DRC9: variants seen among roughly 807,000 people sequenced by gnomAD.
The protein encoded by DRC9 is dynein regulatory complex protein 9.
chr3:197,898,239 T>C, the DRC9 span, among the ~76,000 whole-genome samples: 2 of 152,176 alleles, frequency 1.3e-5, no homozygotes, highest in African/African-American at 4.8e-5. Flanking sequence ...TAAATAATTC[T>C]TGAGTTACAA....
chr3:197,950,164 AC>A, the DRC9 span: 1 of 1,231,782 alleles, frequency 8.1e-7, no homozygotes, highest in Non-Finnish European at 1.0e-6. Context: ...GTTTAATCCC[AC>A]AAGGCCACGC....
the DRC9 span, among the ~76,000 whole-genome samples, chr3:197,896,347 A>G: frequency 2.0e-5 from 3 of 152,228 alleles, no homozygotes; most frequent in Non-Finnish European, 4.4e-5. Context: ...CCGTTAAAAA[A>G]AAAAAATTAA....
the DRC9 span, chr3:197,959,975 T>G: frequency 1.8e-6 from 1 of 547,178 alleles, no homozygotes; most frequent in Admixed American, 3.3e-5. Flanking sequence ...GACACCCACA[T>G]ACGGCCAACG....
the DRC9 span, chr3:197,955,654 T>C: frequency 9.2e-7 from 1 of 1,087,904 alleles, no homozygotes; most frequent in Non-Finnish European, 1.4e-6. Context: ...AACATGTAAT[T>C]GGTAGCCTTT....
chr3:197,948,711 A>AAG, the DRC9 span, among the ~76,000 whole-genome samples: 19 of 152,238 alleles, frequency 1.2e-4, no homozygotes, highest in Non-Finnish European at 2.9e-5. Flanking sequence ...TGTTGTATTT[A>AAG]AGAGAGGATC....
chr3:197,959,343 C>A, the DRC9 span: 1 of 152,196 alleles, frequency 6.6e-6, no homozygotes, highest in Non-Finnish European at 1.5e-5. Flanking sequence ...TCCTAAGTTA[C>A]AAATGTGGTT....
the DRC9 span, among the ~76,000 whole-genome samples, chr3:197,908,644 G>C: frequency 2.1e-5 from 3 of 146,028 alleles, no homozygotes; most frequent in African/African-American, 7.7e-5. Context: ...GACTGTACCA[G>C]GTCTGAAGAG....
chr3:197,944,006 A>C, the DRC9 span: 1 of 1,614,172 alleles, frequency 6.2e-7, no homozygotes, highest in African/African-American at 1.3e-5. Context: ...CCGTCATCTC[A>C]GAATGCCAAA....
chr3:197,938,940 C>T, the DRC9 span: 1 of 613,526 alleles, frequency 1.6e-6, no homozygotes, highest in Non-Finnish European at 2.9e-6. Flanking sequence ...CACACGCGCC[C>T]TGCTGCTAAC....
chr3:197,919,160 T>A, the DRC9 span, among the ~76,000 whole-genome samples: 2 of 152,204 alleles, frequency 1.3e-5, no homozygotes, highest in Admixed American at 1.3e-4. Context: ...GCCAAAGGCA[T>A]CTGGTTTTAA....
At chr3:197,944,664 G>A in the DRC9 span, among the ~76,000 whole-genome samples, 1 of 152,088 alleles carries the variant, frequency 6.6e-6, no homozygotes, top group Non-Finnish European at 1.5e-5. Flanking sequence ...TAGCCAGGAT[G>A]GTCTCGATCT....
chr3:197,937,961 C>G, the DRC9 span, among the ~76,000 whole-genome samples: 1 of 150,696 alleles, frequency 6.6e-6, no homozygotes, highest in African/African-American at 2.4e-5. Flanking sequence ...TGCAGGTATA[C>G]AGCTGAAGGA....
the DRC9 span, among the ~76,000 whole-genome samples, chr3:197,906,884 A>C: frequency 1.3e-5 from 2 of 152,214 alleles, no homozygotes; most frequent in African/African-American, 4.8e-5. Context: ...TCTGGCTACC[A>C]GACCCAGAAT....
At chr3:197,929,890 G>T in the DRC9 span, among the ~76,000 whole-genome samples, 1 of 152,042 alleles carries the variant, frequency 6.6e-6, no homozygotes, top group Non-Finnish European at 1.5e-5. The surrounding 1 kb of genome is among the most constrained non-coding windows in gnomAD (Gnocchi z 4.6). Context: ...CGAGGCAGGC[G>T]GATGAACTCT....
the DRC9 span, chr3:197,938,570 G>A: frequency 2.7e-5 from 44 of 1,612,948 alleles, no homozygotes; most frequent in East Asian, 8.2e-4. Context: ...ATTTTCTTCA[G>A]TGTCTCCGTA....
the DRC9 span, chr3:197,889,692 G>A: frequency 3.1e-6 from 5 of 1,614,128 alleles, no homozygotes; most frequent in Non-Finnish European, 4.2e-6. Context: ...CCGTATCATA[G>A]TGCCTCGCCA....
the DRC9 span, among the ~76,000 whole-genome samples, chr3:197,929,941 A>G: frequency 6.6e-6 from 1 of 152,202 alleles, no homozygotes; most frequent in Non-Finnish European, 1.5e-5. This position sits in a 1 kb window ranked among gnomAD's most constrained non-coding sequence, Gnocchi z 4.6. Flanking sequence ...CAAAAACAAA[A>G]CAAAACAAAA....
chr3:197,913,345 CGT>C, the DRC9 span: 1 of 225,322 alleles, frequency 4.4e-6, no homozygotes, highest in Non-Finnish European at 8.7e-6. Context: ...TGCGTGCGTG[CGT>C]GTGTGCGTGC....
At chr3:197,944,987 C>G in the DRC9 span, among the ~76,000 whole-genome samples, 1 of 152,130 alleles carries the variant, frequency 6.6e-6, no homozygotes, top group Admixed American at 6.6e-5. Flanking sequence ...TGGATGCTAA[C>G]CAAAAGTGTC....
Sources: gnomAD v4.1 joint callset for allele counts (sites outside exome capture counted in the v4.1 genomes callset) on GRCh38, gnomAD v4.1.1 for gene constraint, Gnocchi (gnomAD v3.1) non-coding constraint, MANE v1.5 for transcripts, NCBI Gene and HGNC (gene_info 2026-07-23, HGNC 2026-07-21) for gene names.